The following RAB38 variants were observed in gnomAD, a reference collection of about 807,000 sequenced individuals.
RAB38 encodes the protein RAB38, member RAS oncogene family, also known as ras-related protein Rab-38.
RAB38 carries 15 observed loss-of-function variants against 18.4 expected under a neutral mutation model. The observed-to-expected ratio is 0.82, with a 90% CI of 0.55 to 1.26. The LOEUF is 1.26. Ranked by LOEUF, RAB38 falls within the 50% of genes most tolerant of loss-of-function variation. RAB38 has a pLI of 0.00. For missense variants in RAB38, 294 were observed against 267.4 expected, an observed-to-expected ratio of 1.10 and a Z score of -0.69; for synonymous variants, 101 against 104.4, an observed-to-expected ratio of 0.97 and a Z score of 0.20.
chr11:87,958,372 C>T, the RAB38 span, among the ~76,000 whole-genome samples: 1 of 152,068 alleles, frequency 6.6e-6, no homozygotes, highest in African/African-American at 2.4e-5. Flanking sequence ...AAGCATCTAC[C>T]CCTGCATGCA....
At chr11:87,875,552 A>T in the RAB38 span, among the ~76,000 whole-genome samples, 1 of 151,538 alleles carries the variant, frequency 6.6e-6, no homozygotes, top group South Asian at 2.1e-4. Flanking sequence ...TGAAATCTAT[A>T]GGTCAATTGG....
At chr11:87,923,215 A>G in the RAB38 span, among the ~76,000 whole-genome samples, 1 of 151,912 alleles carries the variant, frequency 6.6e-6, no homozygotes, top group African/African-American at 2.4e-5. Context: ...CTACTTTGTT[A>G]GTATTAGTAT....
chr11:88,079,057 G>A, the RAB38 span, among the ~76,000 whole-genome samples: 8 of 151,468 alleles, frequency 5.3e-5, no homozygotes, highest in African/African-American at 1.5e-4. Context: ...TAGAGCAAAC[G>A]AAACCTAAAG....
intron 2 of RAB38, among the ~76,000 whole-genome samples, chr11:88,147,092 G>A (rs1942997237): frequency 6.6e-6 from 1 of 152,178 alleles, no homozygotes; most frequent in Non-Finnish European, 1.5e-5. Flanking sequence ...GTAATTTCAA[G>A]CTTCCCCACA....
chr11:87,898,185 C>G, the RAB38 span, among the ~76,000 whole-genome samples: 181 of 151,698 alleles, frequency 1.2e-3, 1 homozygote, highest in African/African-American at 4.1e-3. Flanking sequence ...CTGACCTTCA[C>G]CAGGGAAAGT....
At chr11:87,819,160 G>T in the RAB38 span, among the ~76,000 whole-genome samples, 1 of 152,190 alleles carries the variant, frequency 6.6e-6, no homozygotes, top group African/African-American at 2.4e-5. Flanking sequence ...CTCAGGACCT[G>T]TGTATCTAGT....
the RAB38 span, among the ~76,000 whole-genome samples, chr11:88,070,924 A>G: frequency 1.3e-5 from 2 of 152,376 alleles, no homozygotes; most frequent in South Asian, 2.1e-4. Flanking sequence ...AATGGCTGCC[A>G]TAATATTTGG....
At chr11:88,090,862 G>GGGGCA in the RAB38 span, among the ~76,000 whole-genome samples, 1 of 151,940 alleles carries the variant, frequency 6.6e-6, no homozygotes, top group Admixed American at 6.6e-5. Flanking sequence ...GAACTCCAAA[G>GGGGCA]GCCTGGTTAG....
chr11:88,091,842 G>T, the RAB38 span, among the ~76,000 whole-genome samples: 4 of 151,888 alleles, frequency 2.6e-5, no homozygotes, highest in African/African-American at 9.7e-5. Flanking sequence ...TAACTCACAG[G>T]TAGTGTGCCC....
the RAB38 span, chr11:87,879,648 T>C: frequency 2.6e-5 from 4 of 151,608 alleles, no homozygotes; most frequent in Non-Finnish European, 5.9e-5. Flanking sequence ...CTTCTGGAGA[T>C]TTTACATTCT....
intron 2 of RAB38, among the ~76,000 whole-genome samples, chr11:88,119,744 C>T (rs1408680743): frequency 1.3e-5 from 2 of 151,996 alleles, no homozygotes; most frequent in African/African-American, 4.8e-5. Context: ...TTCATCCTCC[C>T]ATAATCTTTC....
chr11:87,905,300 TATA>T, the RAB38 span, among the ~76,000 whole-genome samples: 1 of 151,766 alleles, frequency 6.6e-6, no homozygotes, highest in African/African-American at 2.4e-5. Context: ...TGACCATATT[TATA>T]ATAGCTATTT....
the RAB38 span, among the ~76,000 whole-genome samples, chr11:88,075,948 C>A: frequency 6.8e-6 from 1 of 146,244 alleles, no homozygotes; most frequent in African/African-American, 2.5e-5. Flanking sequence ...CCTCAAGGAA[C>A]TAGAAGGGAA....
At chr11:88,128,167 A>T (rs1297781456) in intron 2 of RAB38, among the ~76,000 whole-genome samples, 1 of 152,224 alleles carries the variant, frequency 6.6e-6, no homozygotes, top group African/African-American at 2.4e-5. Context: ...TGATGTTGCT[A>T]CAAACTATCT....
At chr11:88,005,999 C>G in the RAB38 span, among the ~76,000 whole-genome samples, 2 of 151,284 alleles carry the variant, frequency 1.3e-5, no homozygotes, top group East Asian at 3.9e-4. Context: ...TTAGAGACAA[C>G]TGACAGAATA....
At chr11:88,136,897 C>A (rs894489251) in intron 2 of RAB38, among the ~76,000 whole-genome samples, 28 of 152,310 alleles carry the variant, frequency 1.8e-4, no homozygotes, top group Admixed American at 1.7e-3. Flanking sequence ...GACATTTACA[C>A]CCCAAGTCAA....
At chr11:87,830,689 T>C in the RAB38 span, among the ~76,000 whole-genome samples, 9 of 152,228 alleles carry the variant, frequency 5.9e-5, no homozygotes, top group African/African-American at 2.2e-4. Flanking sequence ...AAATTTAATA[T>C]AGGATTGATA....
intron 1 of RAB38, among the ~76,000 whole-genome samples, chr11:88,150,685 A>C (rs1346156810): frequency 2.0e-5 from 3 of 152,212 alleles, no homozygotes; most frequent in Non-Finnish European, 4.4e-5. Flanking sequence ...ATTGAAACTT[A>C]GTCTAAGTAA....
At chr11:88,012,603 C>T in the RAB38 span, among the ~76,000 whole-genome samples, 1 of 152,158 alleles carries the variant, frequency 6.6e-6, no homozygotes, top group African/African-American at 2.4e-5. Context: ...CAAAAGCCAT[C>T]TGTGCCCTTT....
Sources: gnomAD v4.1 joint callset for allele counts (sites outside exome capture counted in the v4.1 genomes callset) on GRCh38, gnomAD v4.1.1 for gene constraint, MANE v1.5 for transcripts, NCBI Gene and HGNC (gene_info 2026-07-23, HGNC 2026-07-21) for gene names.